BRIP1: variants seen among roughly 807,000 people sequenced by gnomAD.
The protein encoded by BRIP1 is BRCA1 interacting DNA helicase 1, also known as Fanconi anemia group J protein.
A neutral mutation model predicts 119.7 loss-of-function variants in BRIP1; 88 were observed. The ratio of observed to expected loss-of-function variants is 0.74; its 90% CI spans 0.62 to 0.88. The LOEUF (loss-of-function observed/expected upper bound fraction) is 0.88, where lower values mean the gene tolerates loss of function less well. Ranked by LOEUF, BRIP1 falls within the 40% of genes least tolerant of loss-of-function variation. The pLI, the probability that BRIP1 is intolerant of heterozygous loss-of-function variation, is 0.00. For missense variants in BRIP1, 1,259 were observed against 1,455.4 expected (o/e 0.87, Z 2.20); for synonymous variants, 443 against 496.5 (o/e 0.89, Z 1.43).
At chr17:61,718,950 T>C (rs956419257) in intron 16 of BRIP1, among the ~76,000 whole-genome samples, 2 of 152,202 alleles carry the variant, frequency 1.3e-5, no homozygotes, top group Non-Finnish European at 2.9e-5. Flanking sequence ...GCTATGCAAA[T>C]AGTTGTTACA....
In BRIP1 at chr17:61,848,642, G is replaced by A. The variant is rs1233078037; in HGVS notation, c.507+487C>T. On this transcript the variant is annotated intron_variant, in intron 5 of 19. Transcript: ENST00000259008. The surrounding 1 kb of genome is among the most constrained non-coding windows in gnomAD (Gnocchi z 4.3). ...TCATTTAAAATATCTGGTAATTCAA[G>A]CCTTTTAGTAATTTTTAGAAATAAA... 1.3e-5 allele frequency among the ~76,000 whole-genome samples: 2 copies of A among 152,010 alleles called. No homozygotes were observed. The highest frequency in any genetic ancestry group is 2.9e-5 in the Non-Finnish European group (2 of 68,016).
chr17:61,817,708 T>C (rs1175392904), intron 6 of BRIP1, among the ~76,000 whole-genome samples: 1 of 152,202 alleles, frequency 6.6e-6, no homozygotes, highest in Non-Finnish European at 1.5e-5. Context: ...CATAAATACA[T>C]GTGGCTAGTG....
At chr17:61,763,534 G>C (rs1222437211) in intron 14 of BRIP1, among the ~76,000 whole-genome samples, 1 of 152,028 alleles carries the variant, frequency 6.6e-6, no homozygotes, top group Non-Finnish European at 1.5e-5. Flanking sequence ...AGGCAAGCAA[G>C]GTGAATCTTA....
rs2061648105 is a variant in BRIP1 at position 61,703,499 on chromosome 17, T to C, written c.2493-9987A>G. On this transcript the variant is annotated intron_variant, in intron 17 of 19. Coordinates refer to ENST00000259008, the MANE Select transcript of BRIP1 (RefSeq NM_032043.3). This position sits in a 1 kb window ranked among gnomAD's most constrained non-coding sequence, Gnocchi z 5.0. ...GCCACTTTTTAATGGGGTTGTTTTT[T>C]GCTTGTCAATTTAAGTTCCTTATGG... Among the ~76,000 whole-genome samples, 2 of 152,254 alleles carry C rather than the reference T, an allele frequency of 1.3e-5. No individual in the cohort carries two copies. The highest frequency in any genetic ancestry group is 4.8e-5 in the African/African-American group (2 of 41,478).
chr17:61,717,859 T>A lies in BRIP1; in HGVS notation c.2380-1796A>T, dbSNP rs1326816323. Among the ~76,000 whole-genome samples the A allele has an allele frequency of 6.6e-6, 1 of 152,134 alleles. No individual in the cohort carries two copies. Among genetic ancestry groups the A allele is most frequent in the Admixed American group, 6.6e-5 (1 of 15,264 alleles). On this transcript the variant is annotated intron_variant, in intron 16 of 19. Coordinates refer to ENST00000259008, the MANE Select transcript of BRIP1 (RefSeq NM_032043.3). This position sits in a 1 kb window ranked among gnomAD's most constrained non-coding sequence, Gnocchi z 4.1. ...TGTCACTGACCCTCTTTTTTTTCACTCTACACTTCATTTTGGATAATTTTT... is the reference window on the plus strand; with the variant it reads ...TGTCACTGACCCTCTTTTTTTTCACACTACACTTCATTTTGGATAATTTTT...
chr17:61,699,583 T>C lies in BRIP1; in HGVS notation c.2493-6071A>G, dbSNP rs562556515. On this transcript the variant is annotated intron_variant, in intron 17 of 19. Coordinates refer to ENST00000259008, the MANE Select transcript of BRIP1 (RefSeq NM_032043.3). The surrounding 1 kb of genome is among the most constrained non-coding windows in gnomAD (Gnocchi z 4.8). Reference sequence around the variant, plus strand: ...CTCATCTGTCACCTTTGGGTTGTTATTGTCATATAAATTATATCTTTAAAC... The same window carrying C: ...CTCATCTGTCACCTTTGGGTTGTTACTGTCATATAAATTATATCTTTAAAC... Among the ~76,000 whole-genome samples, 4 of 152,310 alleles carry C rather than the reference T, an allele frequency of 2.6e-5. No homozygotes were observed. The highest frequency in any genetic ancestry group is 2.0e-4 in the Admixed American group (3 of 15,300).
chr17:61,835,216 A>G (rs1425645804), intron 6 of BRIP1, among the ~76,000 whole-genome samples: 2 of 152,230 alleles, frequency 1.3e-5, no homozygotes, highest in African/African-American at 4.8e-5. Context: ...AAATATTGAA[A>G]GTCTAAAAAT....
In BRIP1 at chr17:61,701,265, T is replaced by C. The variant is rs977405641; in HGVS notation, c.2493-7753A>G. Among the ~76,000 whole-genome samples the C allele has an allele frequency of 1.3e-5, 2 of 152,248 alleles. No individual in the cohort carries two copies. The highest frequency in any genetic ancestry group is 2.1e-4 in the South Asian group (1 of 4,836). Reference sequence around the variant, plus strand: ...TTTAAATAATATAATGTGGCAAATATAGAAATCGGATTATTCTCCCTCTTC... The same window carrying C: ...TTTAAATAATATAATGTGGCAAATACAGAAATCGGATTATTCTCCCTCTTC... On this transcript the variant is annotated intron_variant, in intron 17 of 19. Transcript: ENST00000259008. This position sits in a 1 kb window ranked among gnomAD's most constrained non-coding sequence, Gnocchi z 5.1.
chr17:61,797,932 T>C (rs2077926217), intron 9 of BRIP1, among the ~76,000 whole-genome samples: 1 of 152,058 alleles, frequency 6.6e-6, no homozygotes, highest in Admixed American at 6.6e-5. Flanking sequence ...TATACATTGC[T>C]GGTAGAAGCA....
intron 10 of BRIP1, among the ~76,000 whole-genome samples, chr17:61,792,469 GA>G (rs2077833083): frequency 6.6e-6 from 1 of 152,200 alleles, no homozygotes; most frequent in South Asian, 2.1e-4. Flanking sequence ...TCCAAATAAT[GA>G]AATATCATTC....
At chr17:61,820,236 A>G (rs950798213) in intron 6 of BRIP1, among the ~76,000 whole-genome samples, 1 of 152,202 alleles carries the variant, frequency 6.6e-6, no homozygotes, top group African/African-American at 2.4e-5. Context: ...CCAGTCTAAT[A>G]TGGCAGATTA....
At position 61,861,648 on chromosome 17, in the gene BRIP1, C is replaced by A. The variant is rs983726674; in HGVS notation, c.-30-79G>T. 5.6e-5 allele frequency: 43 copies of A among 772,860 alleles called. 2 individuals carry two copies. In the Middle Eastern group the frequency reaches 6.9e-4, roughly 12 times the overall value. 47.9% of individuals were successfully genotyped at this position (772,860 alleles called of 1,614,324 possible). A position where few individuals can be genotyped will look rare whatever the true frequency, so the allele number is the denominator to read the frequency against. On this transcript the variant is annotated intron_variant, in intron 1 of 19. Transcript: ENST00000259008. The surrounding 1 kb of genome is among the most constrained non-coding windows in gnomAD (Gnocchi z 4.5). ...AGAGAACCAAAACTAAGGGAGAAAT[C>A]TGGAAACAGAAACTGGAATTAATAA...
rs554326644 is a variant in BRIP1, at chr17:61,683,137, A to G, written c.*159T>C. On this transcript the variant is annotated 3_prime_UTR_variant, in exon 20 of 20. Transcript: ENST00000259008. This position sits in a 1 kb window ranked among gnomAD's most constrained non-coding sequence, Gnocchi z 4.7. ...CAGACCAAGACTCTGTCTCAAAAAA[A>G]AAAACCCAAAAACTCAAGAATAATA... 249 of 939,438 alleles carry G rather than the reference A, an allele frequency of 2.7e-4. No homozygotes were observed. In the African/African-American group the frequency reaches 4.0e-3, roughly 15 times the overall value. 58.2% of individuals were successfully genotyped at this position (939,438 alleles called of 1,614,324 possible).
Position 61,722,565 on chromosome 17 carries a change from A to G in BRIP1, c.2380-6502T>C, listed in dbSNP as rs1036053740. On this transcript the variant is annotated intron_variant, in intron 16 of 19. Transcript: ENST00000259008. The surrounding 1 kb of genome is among the most constrained non-coding windows in gnomAD (Gnocchi z 4.6). ...CTAAAGCAGCTTCTCTTCTTTAACAATATTTTCCTCAAAGAAAGTTGACAT... is the reference window on the plus strand; with the variant it reads ...CTAAAGCAGCTTCTCTTCTTTAACAGTATTTTCCTCAAAGAAAGTTGACAT... Among the ~76,000 whole-genome samples, 1 of 152,202 alleles carries G rather than the reference A, an allele frequency of 6.6e-6. No individual in the cohort carries two copies. Among genetic ancestry groups the G allele is most frequent in the African/African-American group, 2.4e-5 (1 of 41,452 alleles).
rs373774920 is a variant in BRIP1 at position 61,808,723 on chromosome 17, G to C, written c.662C>G (p.Thr221Ser). The change falls in exon 7 of 20, where the codon ACT becomes AGT. Residue 221 changes from threonine to serine, a missense_variant. Thr to Ser is a moderately conservative substitution (Grantham distance 58). This residue lies in a region of BRIP1 where 501 missense variants were observed against 544.0 expected (regional missense o/e 0.92). Transcript: ENST00000259008. This position sits in a 1 kb window ranked among gnomAD's most constrained non-coding sequence, Gnocchi z 4.1. The stretch of plus-strand genomic sequence containing the variant: ...TGACTCTTGACTGTTTCCTTGTTTA[G>C]TAGAACAACAGCACCTAGAACAGTG... ...PGHCSRCCCSTKQGNSQESSN... is the reference protein window; with the variant it reads ...PGHCSRCCCSSKQGNSQESSN... The C allele has an allele frequency of 6.2e-6, 10 of 1,613,616 alleles. No individual in the cohort carries two copies. In the South Asian group the frequency reaches 1.1e-4, roughly 18 times the overall value.
chr17:61,762,883 C>G lies in BRIP1; in HGVS notation c.2097+13518G>C, dbSNP rs2077298125. Among the ~76,000 whole-genome samples, 1 of 152,076 alleles carries G rather than the reference C, an allele frequency of 6.6e-6. No homozygotes were observed. The highest frequency in any genetic ancestry group is 2.1e-4 in the South Asian group (1 of 4,826). ...CAATCTCACTTCTGAGTATTTACCCCTAAAATTTGAAGTCAGTTTGCAGAA... is the reference window on the plus strand; with the variant it reads ...CAATCTCACTTCTGAGTATTTACCCGTAAAATTTGAAGTCAGTTTGCAGAA... On this transcript the variant is annotated intron_variant, in intron 14 of 19. Coordinates refer to ENST00000259008, the MANE Select transcript of BRIP1 (RefSeq NM_032043.3). This position sits in a 1 kb window ranked among gnomAD's most constrained non-coding sequence, Gnocchi z 4.3.
At chr17:61,727,342 C>G (rs980058194) in intron 16 of BRIP1, among the ~76,000 whole-genome samples, 2 of 152,130 alleles carry the variant, frequency 1.3e-5, no homozygotes, top group Non-Finnish European at 2.9e-5. Context: ...CAAGAGCGAG[C>G]ATGTACATAA....
In BRIP1 at chr17:61,844,866, G is replaced by A. The variant is rs1216503617; in HGVS notation, c.627+2235C>T. Among the ~76,000 whole-genome samples the A allele has an allele frequency of 1.3e-5, 2 of 152,176 alleles. No homozygotes were observed. Among genetic ancestry groups the A allele is most frequent in the African/African-American group, 4.8e-5 (2 of 41,438 alleles). On this transcript the variant is annotated intron_variant, in intron 6 of 19. Coordinates refer to ENST00000259008, the MANE Select transcript of BRIP1 (RefSeq NM_032043.3). The surrounding 1 kb of genome is among the most constrained non-coding windows in gnomAD (Gnocchi z 4.7). ...TCTTAGGCCAGTTTCTTCCTTCTCA[G>A]AGTTTCCTCATCTGTACGATGGGAA...
chr17:61,817,822 G>A (rs1442143454), intron 6 of BRIP1, among the ~76,000 whole-genome samples: 1 of 152,152 alleles, frequency 6.6e-6, no homozygotes, highest in African/African-American at 2.4e-5. Context: ...AAGTTAGAAA[G>A]GAAAAAGCAA....
Sources: allele counts gnomAD v4.1 joint callset (sites outside exome capture counted in the v4.1 genomes callset), GRCh38; gene constraint gnomAD v4.1.1; regional missense constraint gnomAD v4.1.1; non-coding constraint Gnocchi (gnomAD v3.1); transcripts MANE v1.5; gene names NCBI Gene and HGNC (gene_info 2026-07-23, HGNC 2026-07-21).